Variants in ALDH1A1 observed in about 807,000 individuals in gnomAD.
ALDH1A1 encodes the protein aldehyde dehydrogenase 1A1.
Under a neutral mutation model 62.1 loss-of-function variants are expected in ALDH1A1, and 19 were observed. The observed-to-expected ratio is 0.31, with a 90% CI of 0.21 to 0.45. The LOEUF (loss-of-function observed/expected upper bound fraction) is 0.45, where lower values mean the gene tolerates loss of function less well. Ranked by LOEUF, ALDH1A1 falls within the 20% of genes least tolerant of loss-of-function variation. The pLI, the probability that ALDH1A1 is intolerant of heterozygous loss-of-function variation, is 1.00. For missense variants in ALDH1A1, 521 were observed against 607.1 expected (o/e 0.86, Z 1.49); for synonymous variants, 231 against 215.9 (o/e 1.07, Z -0.61).
chr9:72,948,356 G>T (rs542732995), intron 1 of ALDH1A1, among the ~76,000 whole-genome samples: 67 of 152,046 alleles, frequency 4.4e-4, no homozygotes, highest in African/African-American at 1.6e-3. Flanking sequence ...CCTGTTTTAA[G>T]CACCTCTCAG....
intron 10 of ALDH1A1, 57 bp downstream of exon 10, chr9:72,911,899 TAC>T: frequency 6.3e-7 from 1 of 1,587,074 alleles, no homozygotes; most frequent in East Asian, 2.2e-5. Flanking sequence ...ACACTTTGTA[TAC>T]ACACAAACAG....
At chr9:72,901,827 G>A (rs890309947) in intron 12 of ALDH1A1, among the ~76,000 whole-genome samples, 1 of 152,002 alleles carries the variant, frequency 6.6e-6, no homozygotes, top group East Asian at 1.9e-4. Flanking sequence ...AGTGGTAAGG[G>A]GATAGAAATT....
chr9:72,933,233 A>G (rs759305351), intron 2 of ALDH1A1, among the ~76,000 whole-genome samples: 3 of 152,194 alleles, frequency 2.0e-5, no homozygotes, highest in Non-Finnish European at 2.9e-5. Flanking sequence ...TAAAGGTTTG[A>G]TAAATATTCG....
chr9:72,929,841 G>T (rs1380019164), intron 3 of ALDH1A1, among the ~76,000 whole-genome samples: 3 of 152,106 alleles, frequency 2.0e-5, no homozygotes, highest in African/African-American at 7.2e-5. Flanking sequence ...TCTCTCTATA[G>T]GATCTTATGC....
intron 1 of ALDH1A1, among the ~76,000 whole-genome samples, chr9:72,942,561 T>C (rs541070803): frequency 6.6e-6 from 1 of 152,268 alleles, no homozygotes; most frequent in Admixed American, 6.5e-5. Flanking sequence ...TCAGATTCTG[T>C]CTACAGCCCT....
intron 10 of ALDH1A1, among the ~76,000 whole-genome samples, chr9:72,910,299 A>G (rs1207414602): frequency 6.6e-6 from 1 of 152,182 alleles, no homozygotes; most frequent in Non-Finnish European, 1.5e-5. Flanking sequence ...GTTACTAATT[A>G]CTTTTCATAA....
chr9:72,911,811 T>C, intron 10 of ALDH1A1, 147 bp downstream of exon 10: 1 of 937,142 alleles, frequency 1.1e-6, no homozygotes, highest in Non-Finnish European at 1.6e-6. Flanking sequence ...CACAAATAAC[T>C]TAAACCTCTA....
chr9:72,920,097 A>C (rs887498142), intron 7 of ALDH1A1, among the ~76,000 whole-genome samples: 1 of 151,990 alleles, frequency 6.6e-6, no homozygotes, highest in African/African-American at 2.4e-5. Context: ...TGCATGTCAG[A>C]TTTTAATAAA....
Sources: allele counts gnomAD v4.1 joint callset (sites outside exome capture counted in the v4.1 genomes callset), GRCh38; gene constraint gnomAD v4.1.1; transcripts MANE v1.5; gene names NCBI Gene and HGNC (gene_info 2026-07-23, HGNC 2026-07-21).